RCBTB1: variants seen among roughly 807,000 people sequenced by gnomAD.
RCBTB1 encodes RCC1 and BTB domain-containing protein 1.
Under a neutral mutation model 62.4 loss-of-function variants are expected in RCBTB1, and 46 were observed. That is an observed-to-expected ratio of 0.74 (90% CI 0.58 to 0.94). The LOEUF is 0.94. Among genes scored for constraint, RCBTB1 ranks in the 40% least tolerant of loss-of-function variants. The pLI is 0.00. For missense variants in RCBTB1, 565 were observed against 654.9 expected, an observed-to-expected ratio of 0.86 and a Z score of 1.50; for synonymous variants, 222 against 245.8, an observed-to-expected ratio of 0.90 and a Z score of 0.91.
At chr13:49,556,963 A>T (rs900040988) in intron 5 of RCBTB1, among the ~76,000 whole-genome samples, 3 of 152,052 alleles carry the variant, frequency 2.0e-5, no homozygotes, top group Admixed American at 1.3e-4. Flanking sequence ...AGTGCTGCTG[A>T]CTCTTGTTTA....
At chr13:49,540,807 C>G in intron 12 of RCBTB1, 69 bp downstream of exon 12, 4 of 1,533,846 alleles carry the variant, frequency 2.6e-6, no homozygotes, top group Non-Finnish European at 3.5e-6. Flanking sequence ...ATGCCTCACG[C>G]AAGAAGCGGG....
chr13:49,540,458 A>C (rs1436300358), intron 12 of RCBTB1, among the ~76,000 whole-genome samples: 1 of 152,232 alleles, frequency 6.6e-6, no homozygotes, highest in African/African-American at 2.4e-5. Flanking sequence ...AGAATTGCAG[A>C]GCGTACACAG....
In RCBTB1 at chr13:49,560,028, T is replaced by C. The variant is rs554020308; in HGVS notation, c.334A>G (p.Thr112Ala). The C allele has an allele frequency of 3.7e-6, 6 of 1,614,206 alleles. No individual in the cohort carries two copies. The highest frequency in any genetic ancestry group is 4.2e-6 in the Non-Finnish European group (5 of 1,180,030). ...NGYSQLGNGT[T>A]NQGIAPVQVC... is the part of the protein sequence containing the mutation. The stretch of plus-strand genomic sequence containing the variant: ...TGGACGGGAGCAATGCCTTGGTTGG[T>C]CGTCCCATTCCCAAGCTGGCTATAT... Residue 112 changes from threonine (T) to alanine (A), a missense_variant, in exon 5 of 13, where the codon ACC becomes GCC. Physicochemically the swap from Thr to Ala is moderately conservative, Grantham distance 58. Transcript: ENST00000378302.
At chr13:49,582,137 A>C (rs1964135570) in intron 1 of RCBTB1, among the ~76,000 whole-genome samples, 1 of 152,172 alleles carries the variant, frequency 6.6e-6, no homozygotes, top group South Asian at 2.1e-4. Context: ...AGAGGAGAGG[A>C]TGTAACAACT....
At position 49,544,884 on chromosome 13, in the gene RCBTB1, T is replaced by C. The variant is rs1253727994; in HGVS notation, c.1046-21A>G. ...ATGCTCTGAAGGCAACAAACATATA[T>C]TAATATGGCAAGTTCAAGGAACAGA... On this transcript the variant is annotated intron_variant, in intron 9 of 12. Transcript: ENST00000378302. 1.9e-6 allele frequency: 3 copies of C among 1,597,324 alleles called. 1 individual carries two copies. In the South Asian group the frequency reaches 3.3e-5, roughly 18 times the overall value.
At chr13:49,551,583 A>G in intron 7 of RCBTB1, 115 bp from the exon 8 acceptor site, 1 of 1,172,154 alleles carries the variant, frequency 8.5e-7, no homozygotes, top group Non-Finnish European at 1.2e-6. Context: ...TCAGGGGTGG[A>G]CTGACATTTG....
intron 10 of RCBTB1, among the ~76,000 whole-genome samples, chr13:49,543,798 A>C (rs937826607): frequency 6.6e-6 from 1 of 152,108 alleles, no homozygotes; most frequent in East Asian, 1.9e-4. Flanking sequence ...CAATCCTTCC[A>C]CCTCAGCCTC....
intron 9 of RCBTB1, among the ~76,000 whole-genome samples, chr13:49,547,735 A>C (rs1289652862): frequency 1.3e-5 from 2 of 152,172 alleles, no homozygotes; most frequent in Non-Finnish European, 2.9e-5. Context: ...CAGTTGAAAG[A>C]CAAAGATAGA....
intron 4 of RCBTB1, among the ~76,000 whole-genome samples, chr13:49,562,046 TG>T (rs1029810862): frequency 2.0e-5 from 3 of 149,842 alleles, no homozygotes; most frequent in African/African-American, 7.4e-5. Flanking sequence ...GAGGTTGCAG[TG>T]GGCTGAGATT....
intron 4 of RCBTB1, among the ~76,000 whole-genome samples, 176 bp downstream of exon 4, chr13:49,566,442 C>T (rs1375170433): frequency 6.6e-6 from 1 of 152,206 alleles, no homozygotes; most frequent in African/African-American, 2.4e-5. Flanking sequence ...CATCCTATAG[C>T]TTTTCCAGAG....
intron 1 of RCBTB1, among the ~76,000 whole-genome samples, chr13:49,581,716 A>C (rs1964110884): frequency 6.6e-6 from 1 of 152,224 alleles, no homozygotes; most frequent in East Asian, 1.9e-4. Context: ...CCAGGAGGAA[A>C]ACCAGGAGAC....
intron 4 of RCBTB1, among the ~76,000 whole-genome samples, chr13:49,564,213 C>T (rs533750469): frequency 6.6e-5 from 10 of 152,074 alleles, no homozygotes; most frequent in African/African-American, 2.2e-4. Context: ...TACATGAATG[C>T]CAGAGAACAG....
chr13:49,541,667 C>CCA lies in RCBTB1; in HGVS notation c.1324+7_1324+8dup. 2 of 1,605,332 alleles carry CCA rather than the reference C, an allele frequency of 1.2e-6. No homozygotes were observed. Among genetic ancestry groups the CCA allele is most frequent in the African/African-American group, 2.7e-5 (2 of 74,618 alleles). On this transcript the variant is annotated intron_variant, in intron 11 of 12. Transcript: ENST00000378302. Reference sequence around the variant, plus strand: ...ATGCGGCTCGTCCATCCCAATGCTACCACAGTACCTATAGCATCTTCTGGC... The same window carrying CCA: ...ATGCGGCTCGTCCATCCCAATGCTACCACACAGTACCTATAGCATCTTCTGGC...
chr13:49,568,795 G>T (rs1481276685), intron 2 of RCBTB1, among the ~76,000 whole-genome samples: 1 of 152,148 alleles, frequency 6.6e-6, no homozygotes, highest in African/African-American at 2.4e-5. Flanking sequence ...TGGGCATGGT[G>T]GTGTGTGCCT....
chr13:49,546,297 C>T, intron 9 of RCBTB1: 4 of 985,032 alleles, frequency 4.1e-6, no homozygotes, highest in Non-Finnish European at 3.6e-6. Context: ...ATGTGACTTT[C>T]CGTCTAACAC....
chr13:49,562,775 G>C lies in RCBTB1; in HGVS notation c.278-2691C>G, dbSNP rs557628962. Among the ~76,000 whole-genome samples the C allele has an allele frequency of 9.0e-5, 5 of 55,534 alleles. 1 individual carries two copies. The highest frequency in any genetic ancestry group is 1.0e-4 in the African/African-American group (1 of 9,730). 36.4% of individuals were successfully genotyped at this position (55,534 alleles called of 152,430 possible). ...CTACAGGTGCGTGCCACCATCCCCG[G>C]CTTTTTTTTTTTTTTTTTTTTTTTT... On this transcript the variant is annotated intron_variant, in intron 4 of 12. Transcript: ENST00000378302.
chr13:49,559,278 G>A (rs1390492655), intron 5 of RCBTB1, among the ~76,000 whole-genome samples: 1 of 152,234 alleles, frequency 6.6e-6, no homozygotes, highest in Non-Finnish European at 1.5e-5. Context: ...TATGCTAAGT[G>A]AGATAAACCA....
chr13:49,563,525 T>G (rs1962642627), intron 4 of RCBTB1, among the ~76,000 whole-genome samples: 1 of 152,078 alleles, frequency 6.6e-6, no homozygotes, highest in Admixed American at 6.6e-5. Flanking sequence ...TAGCCAGGCA[T>G]GGTAGCATAT....
intron 4 of RCBTB1, among the ~76,000 whole-genome samples, chr13:49,564,585 A>C (rs1962758031): frequency 2.6e-5 from 1 of 39,164 alleles, no homozygotes; most frequent in South Asian, 9.0e-4. Flanking sequence ...CTCCTTCTCA[A>C]AAAAAAAAAA....
Sources: gnomAD v4.1 joint callset for allele counts (sites outside exome capture counted in the v4.1 genomes callset) on GRCh38, gnomAD v4.1.1 for gene constraint, MANE v1.5 for transcripts, NCBI Gene and HGNC (gene_info 2026-07-23, HGNC 2026-07-21) for gene names.